The following HNF1B variants were observed in gnomAD, a reference collection of about 807,000 sequenced individuals.
HNF1B encodes hepatocyte nuclear factor 1-beta.
In HNF1B, 8 loss-of-function variants were observed where a neutral mutation model predicts 61.7. That is an observed-to-expected ratio of 0.13 (90% CI 0.08 to 0.23). The LOEUF (loss-of-function observed/expected upper bound fraction) is 0.23. HNF1B is among the 10% of genes least tolerant of loss of function. The pLI is 1.00. For synonymous variants in HNF1B, 314 were observed against 287.7 expected, an observed-to-expected ratio of 1.09 and a Z score of -0.93; for missense variants, 562 against 714.5, an observed-to-expected ratio of 0.79 and a Z score of 2.43.
intron 4 of HNF1B, among the ~76,000 whole-genome samples, chr17:37,721,721 T>C (rs200904439): frequency 0.15 from 9,506 of 65,200 alleles, 399 homozygotes; most frequent in Non-Finnish European, 0.22. Flanking sequence ...CTCTCTCTCT[T>C]TTTTTTTTTT....
In HNF1B at chr17:37,739,454, C is replaced by T. The variant is rs763389234; in HGVS notation, c.530G>A (p.Arg177Gln). The T allele has an allele frequency of 6.2e-7, 1 of 1,614,082 alleles. No homozygotes were observed. The highest frequency in any genetic ancestry group is 1.3e-5 in the African/African-American group (1 of 75,016). Residue 177 changes from arginine to glutamine, a missense_variant, in exon 2 of 9, where the codon CGA (arginine) becomes CAA (glutamine). By Grantham distance (43) the Arg-to-Gln change is conservative. Transcript: ENST00000617811. ...AAAACACTTACGTCGGAGGATCTCT[C>T]GTTGCTTTCTGACGTACCAGGTGTA... The part of the protein sequence containing the change: ...ALYTWYVRKQ[R>Q]EILRQFNQTV...
At chr17:37,721,835 A>G (rs2033328779) in intron 4 of HNF1B, among the ~76,000 whole-genome samples, 1 of 152,080 alleles carries the variant, frequency 6.6e-6, no homozygotes, top group South Asian at 2.1e-4. Flanking sequence ...AAGGAGACAA[A>G]AATAAGCAGC....
In HNF1B at chr17:37,744,807, C is replaced by A. The variant is rs757790704; in HGVS notation, c.78G>T (p.Leu26=). Residue 26 remains leucine (L), a synonymous_variant, in exon 1 of 9, where the codon CTG becomes CTT. Coordinates refer to ENST00000617811, the MANE Select transcript of HNF1B (RefSeq NM_000458.4). ...GCAGCAACTCCTCCAAGGCCTGAACCAGCACCTCCTTGGTGACCCCGGAGC... is the reference window on the plus strand; with the variant it reads ...GCAGCAACTCCTCCAAGGCCTGAACAAGCACCTCCTTGGTGACCCCGGAGC... ...LLSSGVTKEV[L]VQALEELLPS... is the part of the protein sequence containing the mutation. 2 of 1,613,442 alleles carry A rather than the reference C, an allele frequency of 1.2e-6. No individual in the cohort carries two copies. The highest frequency in any genetic ancestry group is 2.7e-5 in the African/African-American group (2 of 74,922).
intron 1 of HNF1B, among the ~76,000 whole-genome samples, chr17:37,740,220 C>T (rs1265242276): frequency 6.6e-6 from 1 of 152,114 alleles, no homozygotes; most frequent in African/African-American, 2.4e-5. Flanking sequence ...CCATCTGCCT[C>T]GGCCTCCCAA....
At chr17:37,722,470 G>T (rs553664648) in intron 4 of HNF1B, among the ~76,000 whole-genome samples, 1 of 152,330 alleles carries the variant, frequency 6.6e-6, no homozygotes, top group Admixed American at 6.5e-5. Flanking sequence ...TGATTTGGGT[G>T]CTATACTGGG....
rs773186461 is a variant in HNF1B, at chr17:37,717,042, G to A, written c.1046-6379C>T. ...CACTGGTTCTGCTGGGTAAACAGAAGAGCAATGTCAACAAAGAAAACAGGA... is the reference window on the plus strand; with the variant it reads ...CACTGGTTCTGCTGGGTAAACAGAAAAGCAATGTCAACAAAGAAAACAGGA... On this transcript the variant is annotated intron_variant, in intron 4 of 8. Transcript: ENST00000617811. Among the ~76,000 whole-genome samples the A allele has an allele frequency of 5.3e-5, 8 of 152,290 alleles. 1 individual carries two copies. The highest frequency in any genetic ancestry group is 6.5e-5 in the Admixed American group (1 of 15,300).
At chr17:37,724,064 G>C (rs963572451) in intron 4 of HNF1B, among the ~76,000 whole-genome samples, 9 of 152,132 alleles carry the variant, frequency 5.9e-5, no homozygotes, top group African/African-American at 1.7e-4. Flanking sequence ...GTGATGGTGA[G>C]GCAAATTACA....
At chr17:37,739,014 G>A (rs181658297) in intron 2 of HNF1B, among the ~76,000 whole-genome samples, 2 of 152,296 alleles carry the variant, frequency 1.3e-5, no homozygotes, top group Admixed American at 6.5e-5. Context: ...CAGAGAGGAG[G>A]AAATTAACAG....
chr17:37,710,172 G>A (rs3110649), intron 5 of HNF1B, among the ~76,000 whole-genome samples: 24,122 of 152,160 alleles, frequency 0.16, 2,398 homozygotes, highest in Non-Finnish European at 0.23. Flanking sequence ...TTGGGGGGAG[G>A]GATGAATGAA....
chr17:37,717,823 C>A (rs547531739), intron 4 of HNF1B, among the ~76,000 whole-genome samples: 1 of 152,328 alleles, frequency 6.6e-6, no homozygotes, highest in African/African-American at 2.4e-5. Context: ...TAGCACTGGA[C>A]TTTTGCTAGT....
intron 2 of HNF1B, among the ~76,000 whole-genome samples, chr17:37,737,900 G>A (rs1009699347): frequency 1.3e-5 from 2 of 152,126 alleles, no homozygotes; most frequent in African/African-American, 2.4e-5. Context: ...TCTTGAAGAG[G>A]CTGTTGTATT....
chr17:37,724,810 A>G (rs2033438122), intron 4 of HNF1B, among the ~76,000 whole-genome samples: 1 of 152,132 alleles, frequency 6.6e-6, no homozygotes, highest in East Asian at 1.9e-4. Flanking sequence ...TAGAGAATTT[A>G]TGAATAGCTA....
intron 2 of HNF1B, among the ~76,000 whole-genome samples, 178 bp downstream of exon 2, chr17:37,739,262 C>G (rs1299745524): frequency 2.6e-5 from 4 of 152,176 alleles, no homozygotes; most frequent in African/African-American, 9.7e-5. Context: ...GACTGAAGAA[C>G]ATGACAGAAG....
At position 37,687,148 on chromosome 17, in the gene HNF1B, G is replaced by T. The variant is rs1375476045; in HGVS notation, c.*224C>A. On this transcript the variant is annotated 3_prime_UTR_variant, in exon 9 of 9. Transcript: ENST00000617811. The stretch of plus-strand genomic sequence containing the variant: ...ACAGACAGGAGTCCTTGACATCGTG[G>T]GAGAGGCATTGTGGCAATACTGCAT... The T allele has an allele frequency of 2.9e-6, 2 of 685,634 alleles. No individual in the cohort carries two copies. The highest frequency in any genetic ancestry group is 1.7e-5 in the South Asian group (1 of 59,948). 42.5% of individuals were successfully genotyped at this position (685,634 alleles called of 1,614,324 possible).
At chr17:37,717,567 G>A (rs1177327946) in intron 4 of HNF1B, among the ~76,000 whole-genome samples, 1 of 152,228 alleles carries the variant, frequency 6.6e-6, no homozygotes. Context: ...ATGTTGGGGA[G>A]ATGACAGGGA....
In HNF1B at chr17:37,698,974, C is replaced by T. The variant is rs2269843; in HGVS notation, c.1653+102G>A. 655,768 of 881,000 alleles carry T rather than the reference C, an allele frequency of 0.74. 245,101 individuals are homozygous for T. Among genetic ancestry groups the T allele is most frequent in the Admixed American group, 0.77 (45,521 of 58,792 alleles). The allele number at this position is 881,000 out of a possible 1,614,324, so 54.6% of individuals were successfully genotyped here. A position where few individuals can be genotyped will look rare whatever the true frequency, so the allele number is the denominator to read the frequency against. On this transcript the variant is annotated intron_variant, in intron 8 of 8. Coordinates refer to ENST00000617811, the MANE Select transcript of HNF1B (RefSeq NM_000458.4). ...CAAACAACAGGGAGCCTCAGAAGGA[C>T]CTAATTTCTGGCCGAGTCCATGCTT...
At chr17:37,697,033 C>T (rs745618036) in intron 8 of HNF1B, among the ~76,000 whole-genome samples, 1 of 152,084 alleles carries the variant, frequency 6.6e-6, no homozygotes, top group Non-Finnish European at 1.5e-5. Context: ...CAGCAGTTAC[C>T]GTAGAATTTT....
chr17:37,716,307 C>T (rs1398848101), intron 4 of HNF1B, among the ~76,000 whole-genome samples: 1 of 152,040 alleles, frequency 6.6e-6, no homozygotes, highest in Non-Finnish European at 1.5e-5. Flanking sequence ...AAGTGATTCT[C>T]CTGCCTCAGC....
chr17:37,715,714 G>A (rs1218584418), intron 4 of HNF1B, among the ~76,000 whole-genome samples: 1 of 152,162 alleles, frequency 6.6e-6, no homozygotes, highest in African/African-American at 2.4e-5. Context: ...ACAACCCGCA[G>A]CACTTCTGAT....
Sources: gnomAD v4.1 joint callset for allele counts (sites outside exome capture counted in the v4.1 genomes callset) on GRCh38, gnomAD v4.1.1 for gene constraint, MANE v1.5 for transcripts, NCBI Gene and HGNC (gene_info 2026-07-23, HGNC 2026-07-21) for gene names.